DMBT1: variants seen among roughly 807,000 people sequenced by gnomAD.
DMBT1 encodes scavenger receptor cysteine-rich domain-containing protein DMBT1.
DMBT1 carries 198 observed loss-of-function variants against 252.9 expected under a neutral mutation model. The observed-to-expected ratio is 0.78, with a 90% CI of 0.70 to 0.88. The LOEUF is 0.88. Among genes scored for constraint, DMBT1 ranks in the 40% least tolerant of loss-of-function variants. The probability of loss-of-function intolerance (pLI) is 0.00; values close to 1 mark genes in which losing one functional copy is unlikely to be tolerated. For missense variants in DMBT1, 2,432 were observed against 2,404.7 expected, an observed-to-expected ratio of 1.01 and a Z score of -0.24; for synonymous variants, 990 against 942.7, an observed-to-expected ratio of 1.05 and a Z score of -0.92.
intron 17 of DMBT1, 114 bp from the exon 18 acceptor site, chr10:122,590,551 G>A: frequency 7.6e-7 from 1 of 1,308,362 alleles, no homozygotes; most frequent in South Asian, 1.3e-5. Context: ...CCCTCCCTCT[G>A]TGATGGGGAC....
Position 122,621,127 on chromosome 10 carries a change from G to A in DMBT1, c.5355G>A (p.Leu1785=), listed in dbSNP as rs771344750. Residue 1785 remains leucine (L), a synonymous_variant, in exon 44 of 56, where the codon CTG becomes CTA. Coordinates refer to ENST00000338354, the MANE Select transcript of DMBT1 (RefSeq NM_001377530.1). ...GGTGTCGAGGCCGAGTGGAGGTCCT[G>A]TATCGAGGCTCCTGGGGAACCGTGT... is the stretch of plus-strand genomic sequence containing the variant. ...GDRCRGRVEV[L]YRGSWGTVCD... is the part of the protein sequence containing the mutation. 3 of 1,613,772 alleles carry A rather than the reference G, an allele frequency of 1.9e-6. No homozygotes were observed. The highest frequency in any genetic ancestry group is 2.5e-6 in the Non-Finnish European group (3 of 1,179,748).
rs3980998 is a variant in DMBT1, at chr10:122,597,409, T to A, written c.2917+355T>A. Among the ~76,000 whole-genome samples the A allele has an allele frequency of 9.8e-3, 1,483 of 151,708 alleles. 19 individuals carry two copies. Among genetic ancestry groups the A allele is most frequent in the African/African-American group, 0.029 (1,181 of 41,164 alleles). On this transcript the variant is annotated intron_variant, in intron 24 of 55. Coordinates refer to ENST00000338354, the MANE Select transcript of DMBT1 (RefSeq NM_001377530.1). The stretch of plus-strand genomic sequence containing the variant: ...AGAGTGATTGCCAAAGTCTCCTGGG[T>A]AGCCAATGTCAGCTAAAGCCTTAAA...
rs776343833 is a variant in DMBT1 at position 122,592,265 on chromosome 10, C to G, written c.2177-7C>G. The G allele has an allele frequency of 2.5e-6, 4 of 1,586,034 alleles. No individual in the cohort carries two copies. The Admixed American group carries it at 6.7e-5, about 27-fold the overall frequency. ...GATGGATAAAGGGTTCTTGTGTTCC[C>G]CTGTAGGATCTGAATCCAGTTTGAC... On this transcript the variant is annotated splice_polypyrimidine_tract_variant and splice_region_variant and intron_variant, in intron 19 of 55. Coordinates refer to ENST00000338354, the MANE Select transcript of DMBT1 (RefSeq NM_001377530.1).
intron 44 of DMBT1, 39 bp from the exon 45 acceptor site, chr10:122,625,238 G>A: frequency 6.2e-7 from 1 of 1,602,188 alleles, no homozygotes; most frequent in Non-Finnish European, 8.5e-7. Context: ...ATCATCCTGG[G>A]CACTGGGACT....
intron 52 of DMBT1, among the ~76,000 whole-genome samples, chr10:122,634,399 TC>T (rs2098197969): frequency 7.1e-6 from 1 of 140,506 alleles, no homozygotes; most frequent in Non-Finnish European, 1.6e-5. Flanking sequence ...TTTCTTTCTT[TC>T]TTTTCTTTCT....
At chr10:122,580,281 G>C (rs1046931780) in intron 10 of DMBT1, among the ~76,000 whole-genome samples, 4 of 152,206 alleles carry the variant, frequency 2.6e-5, no homozygotes, top group Admixed American at 2.0e-4. Context: ...CTGAACTAAA[G>C]ATGCTTGGCT....
intron 10 of DMBT1, 32 bp downstream of exon 10, chr10:122,579,933 T>C (rs4339974): frequency 0.1 from 161,687 of 1,613,038 alleles, 10,190 homozygotes; most frequent in East Asian, 0.24. Flanking sequence ...CTCACTCTCT[T>C]GGGGTGGAGT....
intron 1 of DMBT1, among the ~76,000 whole-genome samples, chr10:122,561,690 C>CT (rs1437287205): frequency 3.3e-5 from 5 of 151,128 alleles, no homozygotes; most frequent in Non-Finnish European, 4.4e-5. Context: ...GTATCTTTCT[C>CT]TTTTTCCCAT....
chr10:122,636,167 A>G lies in DMBT1; in HGVS notation c.6725A>G (p.Glu2242Gly), dbSNP rs1415255632. The G allele has an allele frequency of 1.2e-6, 2 of 1,613,786 alleles. No homozygotes were observed. Among genetic ancestry groups the G allele is most frequent in the Admixed American group, 1.7e-5 (1 of 59,990 alleles). Residue 2242 changes from glutamate (E) to glycine (G), a missense_variant, in exon 53 of 56, where the codon GAG becomes GGG. Around this residue, in one of 3 missense-constraint regions of DMBT1, gnomAD observed 1,162 missense variants for 1,169.0 expected, o/e 0.99. Transcript: ENST00000338354. ...HSITRRGFRA[E>G]YYSSPSNDST... Reference sequence around the variant, plus strand: ...ATCACAAGGAGAGGGTTCCGGGCTGAGTACTACTCCAGTCCCTCCAATGAC... The same window carrying G: ...ATCACAAGGAGAGGGTTCCGGGCTGGGTACTACTCCAGTCCCTCCAATGAC...
At position 122,643,139 on chromosome 10, in the gene DMBT1, C is replaced by A. The variant is rs1171002723; in HGVS notation, c.7370C>A (p.Thr2457Asn). 1.2e-6 allele frequency: 2 copies of A among 1,613,736 alleles called. No homozygotes were observed. Among genetic ancestry groups the A allele is most frequent in the African/African-American group, 2.7e-5 (2 of 74,896 alleles). ...TCTTCCAGATGCGTGAGGGATGACA[C>A]CTACGGACCCTACTCCTCGCCATCT... ...LIRSGCVRDDTYGPYSSPSLR... is the reference protein window; with the variant it reads ...LIRSGCVRDDNYGPYSSPSLR... Residue 2457 changes from threonine (T) to asparagine (N), a missense_variant, in exon 56 of 56, where the codon ACC becomes AAC. Thr to Asn is a moderately conservative substitution (Grantham distance 65). Transcript: ENST00000338354.
At chr10:122,634,432 CTCTCTCTCTCTCTCTCT>C (rs2098203017) in intron 52 of DMBT1, among the ~76,000 whole-genome samples, 1 of 29,182 alleles carries the variant, frequency 3.4e-5, no homozygotes, top group African/African-American at 9.8e-5. Flanking sequence ...TCTCTCTCTT[CTCTCTCTCTCTCTCTCT>C]CTCTCTCTCT....
At chr10:122,623,370 T>A (rs969988150) in intron 44 of DMBT1, among the ~76,000 whole-genome samples, 28 of 152,242 alleles carry the variant, frequency 1.8e-4, no homozygotes, top group Non-Finnish European at 3.5e-4. Flanking sequence ...TGAGAATTAG[T>A]GTACGGTTTT....
chr10:122,589,312 G>T (rs1236194102), intron 17 of DMBT1, 45 bp downstream of exon 17: 2 of 1,586,370 alleles, frequency 1.3e-6, no homozygotes, highest in Admixed American at 3.4e-5. Flanking sequence ...GGTAGATTTT[G>T]CCCAGGAAGA....
At position 122,620,278 on chromosome 10, in the gene DMBT1, G is replaced by A. The variant is rs2277247; in HGVS notation, c.5271G>A (p.Pro1757=). 7,674 of 1,613,830 alleles carry A rather than the reference G, an allele frequency of 4.8e-3. 393 individuals carry two copies. In the East Asian group the frequency reaches 0.12, roughly 25 times the overall value. ...ATACTTGGCTGACCACCAACTTACC[G>A]GCATTGACAGTAGGTAAATAATCCT... The part of the protein sequence containing the change: ...RPDTWLTTNL[P]ALTVGSESSL... The change falls in exon 43 of 56, where the codon CCG becomes CCA. Residue 1757 remains proline, a synonymous_variant. Transcript: ENST00000338354.
chr10:122,622,112 C>G (rs2098075839), intron 44 of DMBT1, among the ~76,000 whole-genome samples: 2 of 152,148 alleles, frequency 1.3e-5, no homozygotes, highest in African/African-American at 2.4e-5. Context: ...TTCAATTGGA[C>G]ATCACATCCA....
intron 15 of DMBT1, among the ~76,000 whole-genome samples, chr10:122,585,530 TGG>T (rs2097782226): frequency 6.8e-6 from 1 of 148,034 alleles, no homozygotes; most frequent in Admixed American, 6.7e-5. Context: ...CTGTTCCAAG[TGG>T]TCAGGAAACA....
At chr10:122,585,247 C>T in intron 14 of DMBT1, 24 bp from the exon 15 acceptor site, 2 of 1,585,046 alleles carry the variant, frequency 1.3e-6, no homozygotes, top group Non-Finnish European at 1.7e-6. Context: ...TTAATTCTAG[C>T]CTTTGTCTCT....
chr10:122,580,271 C>G (rs920220567), intron 10 of DMBT1, among the ~76,000 whole-genome samples: 6 of 152,172 alleles, frequency 3.9e-5, no homozygotes, highest in African/African-American at 1.2e-4. Context: ...GCGAGGAACT[C>G]TGAACTAAAG....
chr10:122,571,999 C>G (rs2097668328), intron 4 of DMBT1, among the ~76,000 whole-genome samples: 1 of 152,152 alleles, frequency 6.6e-6, no homozygotes, highest in South Asian at 2.1e-4. Context: ...ATAGAAACAG[C>G]CAGATGTCAT....
Sources: allele counts gnomAD v4.1 joint callset (sites outside exome capture counted in the v4.1 genomes callset), GRCh38; gene constraint gnomAD v4.1.1; regional missense constraint gnomAD v4.1.1; transcripts MANE v1.5; gene names NCBI Gene and HGNC (gene_info 2026-07-23, HGNC 2026-07-21).